Variants in ATP8A2 observed in about 807,000 individuals in gnomAD.
The protein encoded by ATP8A2 is phospholipid-transporting ATPase IB.
In ATP8A2, 100 loss-of-function variants were observed where a neutral mutation model predicts 165.6. The observed-to-expected ratio is 0.60, with a 90% CI of 0.51 to 0.71. ATP8A2 has a LOEUF of 0.71. ATP8A2 is among the 30% of genes least tolerant of loss of function. ATP8A2 has a pLI of 0.00. For synonymous variants in ATP8A2, 543 were observed against 548.8 expected, an observed-to-expected ratio of 0.99 and a Z score of 0.15; for missense variants, 1,227 against 1,479.5, an observed-to-expected ratio of 0.83 and a Z score of 2.80.
intron 33 of ATP8A2, among the ~76,000 whole-genome samples, chr13:25,960,975 C>T (rs1028548633): frequency 1.1e-4 from 16 of 152,208 alleles, no homozygotes; most frequent in Admixed American, 7.2e-4. Flanking sequence ...CATACTCTGT[C>T]GTCTTTAAGA....
chr13:25,372,319 T>A lies in ATP8A2; in HGVS notation c.76+31T>A. On this transcript the variant is annotated intron_variant, in intron 1 of 36. Coordinates refer to ENST00000381655, the MANE Select transcript of ATP8A2 (RefSeq NM_016529.6). This position sits in a 1 kb window ranked among gnomAD's most constrained non-coding sequence, Gnocchi z 4.8. ...CTGGGAGGGGCGCGGCGAGGGAGGG[T>A]GGGCCCGGGGCGGGGGCGGCGCGGG... The A allele has an allele frequency of 3.9e-6, 2 of 507,876 alleles. No homozygotes were observed. The highest frequency in any genetic ancestry group is 1.9e-5 in the South Asian group (1 of 51,806). The allele number at this position is 507,876 out of a possible 1,614,324, so 31.5% of individuals were successfully genotyped here. A position where few individuals can be genotyped will look rare whatever the true frequency, so the allele number is the denominator to read the frequency against.
At position 25,790,418 on chromosome 13, in the gene ATP8A2, G is replaced by C. The variant is rs569262370; in HGVS notation, c.2679+15459G>C. 2.6e-5 allele frequency among the ~76,000 whole-genome samples: 4 copies of C among 152,146 alleles called. No individual in the cohort carries two copies. The East Asian group carries it at 7.7e-4, about 29-fold the overall frequency. ...CCATTAAAAAGTGGGTAGGCTGGGC[G>C]CAGTGGCTCATGCTTGTAATTCCAG... is the stretch of plus-strand genomic sequence containing the variant. On this transcript the variant is annotated intron_variant, in intron 27 of 36. Coordinates refer to ENST00000381655, the MANE Select transcript of ATP8A2 (RefSeq NM_016529.6).
intron 31 of ATP8A2, among the ~76,000 whole-genome samples, 179 bp from the exon 32 acceptor site, chr13:25,860,625 C>A: frequency 6.6e-6 from 1 of 152,198 alleles, no homozygotes; most frequent in East Asian, 1.9e-4. Context: ...GGAAGTGAAT[C>A]TGCCTGTATG....
In ATP8A2 at chr13:25,699,335, A is replaced by G. The variant is rs765360013; in HGVS notation, c.2374A>G (p.Ile792Val). 1.2e-6 allele frequency: 2 copies of G among 1,612,026 alleles called. No homozygotes were observed. Among genetic ancestry groups the G allele is most frequent in the Admixed American group, 1.7e-5 (1 of 59,824 alleles). Residue 792 changes from isoleucine (I) to valine (V), a missense_variant, in exon 25 of 37, where the codon ATA becomes GTA. Ile to Val is a conservative substitution (Grantham distance 29). This residue lies in a region of ATP8A2 where 592 missense variants were observed against 785.6 expected (regional missense o/e 0.75). Transcript: ENST00000381655. Reference sequence around the variant, plus strand: ...TTTGGCACTCTCGTGCAAAGCGGTCATATGCTGCAGGTAGGAACCTGCAGG... The same window carrying G: ...TTTGGCACTCTCGTGCAAAGCGGTCGTATGCTGCAGGTAGGAACCTGCAGG... The part of the protein sequence containing the change: ...LDLALSCKAV[I>V]CCRVSPLQKS...
chr13:25,473,622 A>C (rs1218442844), intron 2 of ATP8A2, among the ~76,000 whole-genome samples: 2 of 152,138 alleles, frequency 1.3e-5, no homozygotes, highest in Non-Finnish European at 2.9e-5. Context: ...TCAATTTTGG[A>C]ACATTTTCAT....
chr13:25,572,959 C>G (rs541247477), intron 18 of ATP8A2, among the ~76,000 whole-genome samples: 3 of 152,094 alleles, frequency 2.0e-5, no homozygotes, highest in Non-Finnish European at 4.4e-5. Context: ...TTATTGGCAT[C>G]TTCAGTTTCT....
intron 24 of ATP8A2, among the ~76,000 whole-genome samples, chr13:25,592,907 A>G (rs930677467): frequency 6.6e-6 from 1 of 152,138 alleles, no homozygotes; most frequent in Non-Finnish European, 1.5e-5. Flanking sequence ...TTTGAACTTC[A>G]TCTTTTAGTA....
At position 25,591,133 on chromosome 13, in the gene ATP8A2, A is replaced by ATGTGTG. The variant is rs59431385; in HGVS notation, c.2211+1456_2211+1461dup. On this transcript the variant is annotated intron_variant, in intron 24 of 36. Coordinates refer to ENST00000381655, the MANE Select transcript of ATP8A2 (RefSeq NM_016529.6). ...GGAACCTCTCATCATTGGAAATACT[A>ATGTGTG]TGTGTGTGTGTGTGTGTGTGTGTGT... 8.4e-3 allele frequency: 2,479 copies of ATGTGTG among 296,728 alleles called. 12 individuals carry two copies. The highest frequency in any genetic ancestry group is 0.013 in the Middle Eastern group (22 of 1,696). The allele number at this position is 296,728 out of a possible 1,614,324, so 18.4% of individuals were successfully genotyped here. A position where few individuals can be genotyped will look rare whatever the true frequency, so the allele number is the denominator to read the frequency against.
At chr13:25,842,951 G>A (rs12429138) in intron 30 of ATP8A2, among the ~76,000 whole-genome samples, 56,499 of 152,062 alleles carry the variant, frequency 0.37, 10,877 homozygotes, top group Admixed American at 0.43. Context: ...CCAGGGGACA[G>A]CTTAGGGAGG....
intron 35 of ATP8A2, among the ~76,000 whole-genome samples, chr13:26,001,193 G>T (rs890989846): frequency 6.6e-6 from 1 of 152,168 alleles, no homozygotes. Flanking sequence ...CTTTATCCCT[G>T]AAGTATGTAT....
At chr13:25,581,472 A>T (rs1002181912) in intron 22 of ATP8A2, among the ~76,000 whole-genome samples, 1 of 152,216 alleles carries the variant, frequency 6.6e-6, no homozygotes, top group Non-Finnish European at 1.5e-5. Context: ...TAAATGTGAC[A>T]TAATATGCTA....
At chr13:25,478,625 T>C (rs1414828978) in intron 2 of ATP8A2, among the ~76,000 whole-genome samples, 4 of 152,226 alleles carry the variant, frequency 2.6e-5, no homozygotes, top group Non-Finnish European at 4.4e-5. Flanking sequence ...TTAGATGTCA[T>C]TAAAAATGAT....
chr13:25,786,043 G>C (rs2045017160), intron 27 of ATP8A2, among the ~76,000 whole-genome samples: 1 of 152,122 alleles, frequency 6.6e-6, no homozygotes, highest in Admixed American at 6.5e-5. Flanking sequence ...CCTTATGTAT[G>C]CAAGTAAAAT....
In ATP8A2 at chr13:25,570,882, C is replaced by G; in HGVS notation, c.1579+10C>G. On this transcript the variant is annotated intron_variant, in intron 17 of 36. Coordinates refer to ENST00000381655, the MANE Select transcript of ATP8A2 (RefSeq NM_016529.6). The stretch of plus-strand genomic sequence containing the variant: ...CAGGCCTCTTCCCCAGGTGAGGGCT[C>G]TGGCCGGATGCGCCCTGCTGGCCCC... The G allele has an allele frequency of 6.3e-7, 1 of 1,599,692 alleles. No homozygotes were observed.
chr13:25,402,379 G>T (rs1003672152), intron 1 of ATP8A2, among the ~76,000 whole-genome samples: 2 of 152,178 alleles, frequency 1.3e-5, no homozygotes, highest in Non-Finnish European at 2.9e-5. Context: ...ACACAAACAG[G>T]CTTCATGGAC....
chr13:26,012,991 A>G (rs1593715290), intron 36 of ATP8A2, among the ~76,000 whole-genome samples: 2 of 152,178 alleles, frequency 1.3e-5, no homozygotes, highest in East Asian at 3.9e-4. Flanking sequence ...TGAAACAATG[A>G]CCATCATTGG....
chr13:25,728,435 G>C (rs116225952), intron 25 of ATP8A2, among the ~76,000 whole-genome samples: 2,797 of 152,252 alleles, frequency 0.018, 78 homozygotes, highest in African/African-American at 0.063. Context: ...GTAACAGCAG[G>C]TGCAATGTCA....
At chr13:25,437,443 A>G (rs370696896) in intron 1 of ATP8A2, among the ~76,000 whole-genome samples, 8 of 152,128 alleles carry the variant, frequency 5.3e-5, no homozygotes, top group Admixed American at 1.3e-4. Context: ...ATGTTTACAT[A>G]TTTTGCTCCC....
chr13:25,963,134 G>A lies in ATP8A2; in HGVS notation c.3272+1471G>A, dbSNP rs567280649. Among the ~76,000 whole-genome samples, 8 of 152,128 alleles carry A rather than the reference G, an allele frequency of 5.3e-5. No homozygotes were observed. The East Asian group carries it at 7.7e-4, about 15-fold the overall frequency. ...GTTTTGGCCAGGCGCAGTGGCTCAC[G>A]CCTGTAATCTCAACACTTTGGGAGG... On this transcript the variant is annotated intron_variant, in intron 34 of 36. Coordinates refer to ENST00000381655, the MANE Select transcript of ATP8A2 (RefSeq NM_016529.6).
Sources: allele counts gnomAD v4.1 joint callset (sites outside exome capture counted in the v4.1 genomes callset), GRCh38; gene constraint gnomAD v4.1.1; regional missense constraint gnomAD v4.1.1; non-coding constraint Gnocchi (gnomAD v3.1); transcripts MANE v1.5; gene names NCBI Gene and HGNC (gene_info 2026-07-23, HGNC 2026-07-21).